Variants in KARS1 observed in about 807,000 individuals in gnomAD.
The protein encoded by KARS1 is lysyl-tRNA synthetase 1.
In KARS1, 50 loss-of-function variants were observed where a neutral mutation model predicts 63.9. The observed-to-expected ratio is 0.78, with a 90% CI of 0.62 to 0.99. The LOEUF is 0.99. KARS1 is among the 50% of genes least tolerant of loss of function. The probability of loss-of-function intolerance (pLI) is 0.00; values close to 1 mark genes in which losing one functional copy is unlikely to be tolerated. For missense variants in KARS1, 816 were observed against 754.5 expected (o/e 1.08, Z -0.95); for synonymous variants, 320 against 264.6 (o/e 1.21, Z -2.03).
chr16:75,632,259 A>C (rs2082122800), intron 7 of KARS1, among the ~76,000 whole-genome samples: 1 of 152,182 alleles, frequency 6.6e-6, no homozygotes, highest in Admixed American at 6.5e-5. Context: ...CTTGGTTTTC[A>C]CAGGTTAGGT....
chr16:75,647,334 C>G, intron 1 of KARS1: 1 of 605,274 alleles, frequency 1.7e-6, no homozygotes, highest in South Asian at 1.9e-5. Context: ...CCTCCACAGT[C>G]TCTTAACTCT....
At chr16:75,636,300 G>A (rs1237440751) in intron 4 of KARS1, among the ~76,000 whole-genome samples, 154 bp downstream of exon 4, 13 of 152,088 alleles carry the variant, frequency 8.5e-5, no homozygotes, top group African/African-American at 3.1e-4. Context: ...CTTTACAGGT[G>A]ACCAGGTGGC....
chr16:75,627,990 C>A lies in KARS1; in HGVS notation c.1699G>T (p.Val567Leu). 6.3e-7 allele frequency: 1 copy of A among 1,579,982 alleles called. No homozygotes were observed. Among genetic ancestry groups the A allele is most frequent in the Non-Finnish European group, 8.7e-7 (1 of 1,148,886 alleles). The change falls in exon 14 of 14, where the codon GTA becomes TTA. Residue 567 changes from valine (V) to leucine (L), a missense_variant. Transcript: ENST00000302445. Reference protein sequence around the residue: ...FLTDSNNIKEVLLFPAMKPED... With the variant: ...FLTDSNNIKELLLFPAMKPED... ...GGTTTCATGGCAGGAAACAGAAGTACTTCCTGTGGGAGATAAGAATGTACC... is the reference window on the plus strand; with the variant it reads ...GGTTTCATGGCAGGAAACAGAAGTAATTCCTGTGGGAGATAAGAATGTACC...
In KARS1 at chr16:75,627,937, G is replaced by C. The variant is rs144390077; in HGVS notation, c.1752C>G (p.Thr584=). ...KPEDKKENVA[T]TDTLESTTVG... is the part of the protein sequence containing the mutation. ...CTGTTGTGCTTTCCAGTGTATCAGT[G>C]GTTGCTACATTCTCCTTCTTGTCTT... Residue 584 remains threonine (T), a synonymous_variant, in exon 14 of 14, where the codon ACC becomes ACG. Coordinates refer to ENST00000302445, the MANE Select transcript of KARS1 (RefSeq NM_005548.3). The C allele has an allele frequency of 1.9e-5, 30 of 1,610,834 alleles. No homozygotes were observed. Among genetic ancestry groups the C allele is most frequent in the Non-Finnish European group, 2.3e-5 (27 of 1,177,152 alleles).
intron 6 of KARS1, among the ~76,000 whole-genome samples, chr16:75,634,505 T>C (rs911194115): frequency 6.6e-6 from 1 of 152,248 alleles, no homozygotes; most frequent in African/African-American, 2.4e-5. Flanking sequence ...ATTAATATAG[T>C]ACCACGAACT....
chr16:75,641,531 T>G (rs775224750), intron 2 of KARS1, 33 bp downstream of exon 2: 7 of 1,600,966 alleles, frequency 4.4e-6, no homozygotes, highest in South Asian at 3.3e-5. Context: ...AGCTTTCCTG[T>G]GCCCAACCAT....
chr16:75,647,327 CCA>C (rs1361718786), intron 1 of KARS1: 9 of 597,840 alleles, frequency 1.5e-5, no homozygotes, highest in Non-Finnish European at 2.7e-5. Context: ...AGTTCCTCCT[CCA>C]CAGTCTCTTA....
intron 2 of KARS1, among the ~76,000 whole-genome samples, chr16:75,640,790 G>A (rs8053257): frequency 0.18 from 27,056 of 152,216 alleles, 5,027 homozygotes; most frequent in African/African-American, 0.48. Context: ...CTCTACAGCA[G>A]CCTTTCTCAC....
chr16:75,635,065 GTATC>G (rs1484615830), intron 6 of KARS1, among the ~76,000 whole-genome samples: 2 of 152,190 alleles, frequency 1.3e-5, no homozygotes, highest in East Asian at 1.9e-4. Context: ...TTAAGAAAGA[GTATC>G]TATCTATCTC....
intron 1 of KARS1, among the ~76,000 whole-genome samples, chr16:75,644,082 A>G (rs2082254179): frequency 2.6e-5 from 4 of 152,270 alleles, no homozygotes; most frequent in Admixed American, 2.6e-4. Context: ...AATAAGATCC[A>G]CATGTCATCT....
In KARS1 at chr16:75,633,952, C is replaced by T. The variant is rs1597167354; in HGVS notation, c.915+221G>A. ...AAAGTAGGTAAGGAGTGCCTGTATA[C>T]ATGGGAAAGACAACCCCTTTGGTCT... On this transcript the variant is annotated intron_variant, in intron 7 of 13. Coordinates refer to ENST00000302445, the MANE Select transcript of KARS1 (RefSeq NM_005548.3). 6 of 558,832 alleles carry T rather than the reference C, an allele frequency of 1.1e-5. No individual in the cohort carries two copies. The East Asian group carries it at 1.4e-4, about 13-fold the overall frequency. The allele number at this position is 558,832 out of a possible 1,614,324, so 34.6% of individuals were successfully genotyped here. A position where few individuals can be genotyped will look rare whatever the true frequency, so the allele number is the denominator to read the frequency against.
intron 12 of KARS1, 122 bp downstream of exon 12, chr16:75,629,293 G>A: frequency 1.6e-6 from 2 of 1,222,204 alleles, no homozygotes; most frequent in Non-Finnish European, 2.4e-6. Flanking sequence ...CCTCCAGCAA[G>A]CCTATGGCTT....
chr16:75,629,201 T>C (rs2082083034), intron 12 of KARS1, among the ~76,000 whole-genome samples: 1 of 152,228 alleles, frequency 6.6e-6, no homozygotes, highest in South Asian at 2.1e-4. Context: ...CGTCACGCTT[T>C]CCATACGGAG....
Position 75,647,611 on chromosome 16 carries a change from T to A in KARS1, c.29A>T (p.Lys10Ile). ...CAGTTTCGGCTCGCTGCCATCCACTTTCACCTCGGCCGCCTGCACGGCCGC... is the reference window on the plus strand; with the variant it reads ...CAGTTTCGGCTCGCTGCCATCCACTATCACCTCGGCCGCCTGCACGGCCGC... MAAVQAAEV[K>I]VDGSEPKLSK... is the part of the protein sequence containing the mutation. Residue 10 changes from lysine (K) to isoleucine (I), a missense_variant, in exon 1 of 14, where the codon AAA becomes ATA. By Grantham distance (102) the Lys-to-Ile change is moderately radical. Transcript: ENST00000302445. The A allele has an allele frequency of 6.2e-7, 1 of 1,613,480 alleles. No homozygotes were observed. The highest frequency in any genetic ancestry group is 8.5e-7 in the Non-Finnish European group (1 of 1,179,872).
At chr16:75,644,516 C>T in intron 1 of KARS1, 1 of 1,308,324 alleles carries the variant, frequency 7.6e-7, no homozygotes. Context: ...TATACATATA[C>T]CCAACCAACT....
chr16:75,628,098 A>G lies in KARS1; in HGVS notation c.1696-105T>C, dbSNP rs1209211137. ...CTCTGTTGTTACCACCAAAATCCAG[A>G]GATTAGTATATTCCAGCTGAAAAGG... On this transcript the variant is annotated intron_variant, in intron 13 of 13. Coordinates refer to ENST00000302445, the MANE Select transcript of KARS1 (RefSeq NM_005548.3). 5.2e-6 allele frequency: 4 copies of G among 772,670 alleles called. No individual in the cohort carries two copies. In the Admixed American group the frequency reaches 7.1e-5, roughly 14 times the overall value. 47.9% of individuals were successfully genotyped at this position (772,670 alleles called of 1,614,324 possible).
At chr16:75,631,891 A>G (rs1351789770) in intron 7 of KARS1, 36 bp from the exon 8 acceptor site, 1 of 1,610,926 alleles carries the variant, frequency 6.2e-7, no homozygotes, top group Non-Finnish European at 8.5e-7. Flanking sequence ...ATGACAGCTA[A>G]TCTTTTTTTT....
chr16:75,628,102 T>G (rs1229152215), intron 13 of KARS1, 109 bp from the exon 14 acceptor site: 1 of 768,584 alleles, frequency 1.3e-6, no homozygotes, highest in African/African-American at 1.7e-5. Flanking sequence ...ATCCAGAGAT[T>G]AGTATATTCC....
intron 6 of KARS1, among the ~76,000 whole-genome samples, chr16:75,635,140 G>C (rs1355199106): frequency 1.3e-5 from 2 of 152,162 alleles, no homozygotes; most frequent in East Asian, 3.9e-4. Context: ...AATACACATA[G>C]TGTGACTTCA....
Sources: gnomAD v4.1 joint callset for allele counts (sites outside exome capture counted in the v4.1 genomes callset) on GRCh38, gnomAD v4.1.1 for gene constraint, MANE v1.5 for transcripts, NCBI Gene and HGNC (gene_info 2026-07-23, HGNC 2026-07-21) for gene names.